Variants in PER3 observed in about 807,000 individuals in gnomAD.
PER3 encodes period circadian protein homolog 3.
A neutral mutation model predicts 127.2 loss-of-function variants in PER3; 107 were observed. The observed-to-expected ratio is 0.84, with a 90% CI of 0.72 to 0.99. The LOEUF (loss-of-function observed/expected upper bound fraction) is 0.99. PER3 is among the 50% of genes least tolerant of loss of function. The pLI is 0.00. For missense variants in PER3, 1,560 were observed against 1,525.8 expected, an observed-to-expected ratio of 1.02 and a Z score of -0.37; for synonymous variants, 618 against 585.8, an observed-to-expected ratio of 1.05 and a Z score of -0.79.
rs228678 is a variant in PER3 at position 7,844,415 on chromosome 1, G to A, written c.*1660G>A. On this transcript the variant is annotated 3_prime_UTR_variant, in exon 22 of 22. Coordinates refer to ENST00000377532, the MANE Select transcript of PER3 (RefSeq NM_001377275.1). ...GGTTGTGTGATATTTTTGCTTGATA[G>A]AGAATCAAATTTGAAACAATTAACC... 0.97 allele frequency: 147,482 copies of A among 152,608 alleles called. 71,284 individuals are homozygous for A. The highest frequency in any genetic ancestry group is 1 in the East Asian group (5,308 of 5,316). 9.5% of individuals were successfully genotyped at this position (152,608 alleles called of 1,614,324 possible). A position where few individuals can be genotyped will look rare whatever the true frequency, so the allele number is the denominator to read the frequency against.
At chr1:7,794,487 G>C (rs893877667) in intron 6 of PER3, among the ~76,000 whole-genome samples, 32 of 151,984 alleles carry the variant, frequency 2.1e-4, no homozygotes, top group African/African-American at 7.5e-4. Context: ...GCGAGACTCT[G>C]TCTCAAAAAA....
intron 4 of PER3, chr1:7,787,828 T>C (rs1183356847): frequency 5.2e-6 from 3 of 573,596 alleles, no homozygotes; most frequent in Non-Finnish European, 6.2e-6. Flanking sequence ...TTTTTTGGCA[T>C]AGAAATTGAA....
Position 7,829,815 on chromosome 1 carries a change from A to G in PER3, c.2887-19A>G, listed in dbSNP as rs760393811. Reference sequence around the variant, plus strand: ...GATAAGAAGATTAAAGTGTCTTTTCATGTGCCCTTACTTTCTAGCAGTGTG... The same window carrying G: ...GATAAGAAGATTAAAGTGTCTTTTCGTGTGCCCTTACTTTCTAGCAGTGTG... On this transcript the variant is annotated intron_variant, in intron 18 of 21. Transcript: ENST00000377532. 7 of 1,587,556 alleles carry G rather than the reference A, an allele frequency of 4.4e-6. No homozygotes were observed. Among genetic ancestry groups the G allele is most frequent in the Non-Finnish European group, 5.2e-6 (6 of 1,156,648 alleles).
intron 19 of PER3, among the ~76,000 whole-genome samples, chr1:7,834,819 T>A (rs1176363878): frequency 1.3e-5 from 2 of 150,436 alleles, no homozygotes; most frequent in African/African-American, 2.4e-5. Context: ...ACTTAGTTTT[T>A]TAAAAAAAAT....
At chr1:7,807,217 A>T (rs1183913445) in intron 10 of PER3, among the ~76,000 whole-genome samples, 1 of 152,162 alleles carries the variant, frequency 6.6e-6, no homozygotes, top group East Asian at 1.9e-4. Context: ...AAGTTGTGAA[A>T]TAAGGTTATA....
chr1:7,803,813 G>A lies in PER3; in HGVS notation c.1101G>A (p.Lys367=). 1.2e-6 allele frequency: 2 copies of A among 1,613,952 alleles called. No individual in the cohort carries two copies. Among genetic ancestry groups the A allele is most frequent in the Non-Finnish European group, 1.7e-6 (2 of 1,179,908 alleles). The change falls in exon 10 of 22, where the codon AAG becomes AAA. Residue 367 remains lysine (K), a synonymous_variant. Transcript: ENST00000377532. The part of the protein sequence containing the change: ...WSSFVNPWSR[K]ISFIIGRHKV... ...GCTTTGTGAATCCCTGGAGCCGGAA[G>A]ATTTCTTTCATCATTGGTCGGCATA...
chr1:7,787,606 T>G, intron 4 of PER3: 1 of 304,824 alleles, frequency 3.3e-6, no homozygotes, highest in South Asian at 2.9e-5. Context: ...TAAATAAGTT[T>G]CATTTATGTG....
chr1:7,814,273 G>A (rs1477290888), intron 13 of PER3, among the ~76,000 whole-genome samples: 2 of 152,034 alleles, frequency 1.3e-5, no homozygotes, highest in African/African-American at 2.4e-5. Flanking sequence ...GTTAAATACA[G>A]AACAAAAACA....
chr1:7,822,167 A>G (rs918226434), intron 16 of PER3, among the ~76,000 whole-genome samples: 4 of 152,138 alleles, frequency 2.6e-5, no homozygotes, highest in African/African-American at 7.2e-5. Flanking sequence ...GCATTTTGGG[A>G]GGCCAAGACA....
rs1296381319 is a variant in PER3, at chr1:7,844,017, T to A, written c.*1262T>A. The A allele has an allele frequency of 1.8e-6, 2 of 1,102,868 alleles. No homozygotes were observed. Among genetic ancestry groups the A allele is most frequent in the African/African-American group, 3.4e-5 (2 of 58,614 alleles). The allele number at this position is 1,102,868 out of a possible 1,614,324, so 68.3% of individuals were successfully genotyped here. On this transcript the variant is annotated 3_prime_UTR_variant, in exon 22 of 22. Coordinates refer to ENST00000377532, the MANE Select transcript of PER3 (RefSeq NM_001377275.1). Reference sequence around the variant, plus strand: ...AGTAACCTGTTGTCTTTATATAACTTGCAACAAACTAATTTATTTTTTTTT... The same window carrying A: ...AGTAACCTGTTGTCTTTATATAACTAGCAACAAACTAATTTATTTTTTTTT...
At chr1:7,810,361 AGT>A in intron 12 of PER3, 75 bp from the exon 13 acceptor site, 1 of 1,029,786 alleles carries the variant, frequency 9.7e-7, no homozygotes, top group Non-Finnish European at 1.4e-6. Context: ...ACAGAAGCTA[AGT>A]GTATTTTGTT....
At chr1:7,807,762 T>C (rs2097201242) in intron 10 of PER3, among the ~76,000 whole-genome samples, 1 of 152,192 alleles carries the variant, frequency 6.6e-6, no homozygotes, top group South Asian at 2.1e-4. Context: ...CAGTACAGTG[T>C]GGTGGCACAC....
At chr1:7,841,198 A>G (rs1331032765) in intron 21 of PER3, among the ~76,000 whole-genome samples, 1 of 152,208 alleles carries the variant, frequency 6.6e-6, no homozygotes, top group African/African-American at 2.4e-5. Flanking sequence ...GCCACATTCA[A>G]AGCCATCCTG....
At chr1:7,789,140 A>AAT (rs59535110) in intron 5 of PER3, among the ~76,000 whole-genome samples, 36,272 of 133,008 alleles carry the variant, frequency 0.27, 5,010 homozygotes, top group East Asian at 0.46. Context: ...AGAGCTTTAA[A>AAT]ATATATATAT....
intron 5 of PER3, among the ~76,000 whole-genome samples, chr1:7,789,855 G>A (rs2097110765): frequency 6.6e-6 from 1 of 152,122 alleles, no homozygotes. Flanking sequence ...ATCCCTGCTT[G>A]CTTCTAGCTC....
At chr1:7,789,345 A>T (rs368494430) in intron 5 of PER3, among the ~76,000 whole-genome samples, 13 of 152,258 alleles carry the variant, frequency 8.5e-5, no homozygotes, top group African/African-American at 2.9e-4. Context: ...TTGCATCATG[A>T]GGGCGTCTTT....
At chr1:7,839,377 T>C (rs1254349912) in intron 21 of PER3, among the ~76,000 whole-genome samples, 1 of 152,258 alleles carries the variant, frequency 6.6e-6, no homozygotes, top group East Asian at 1.9e-4. Context: ...AAAATAATAC[T>C]GGATTTTATA....
chr1:7,796,127 C>T (rs993670704), intron 6 of PER3, among the ~76,000 whole-genome samples: 3 of 152,120 alleles, frequency 2.0e-5, no homozygotes, highest in Non-Finnish European at 4.4e-5. Flanking sequence ...ACACCCCAGA[C>T]CCATTTTAGA....
At chr1:7,786,629 C>G in intron 3 of PER3, 92 bp from the exon 4 acceptor site, 1 of 706,434 alleles carries the variant, frequency 1.4e-6, no homozygotes, top group Non-Finnish European at 2.6e-6. Flanking sequence ...TGTTCTCATC[C>G]GAAAAAAATA....
Sources: gnomAD v4.1 joint callset for allele counts (sites outside exome capture counted in the v4.1 genomes callset) on GRCh38, gnomAD v4.1.1 for gene constraint, MANE v1.5 for transcripts, NCBI Gene and HGNC (gene_info 2026-07-23, HGNC 2026-07-21) for gene names.